Variants in PRDM16 observed in about 807,000 individuals in gnomAD.
The protein encoded by PRDM16 is histone-lysine N-methyltransferase PRDM16.
A neutral mutation model predicts 110.6 loss-of-function variants in PRDM16; 23 were observed. The ratio of observed to expected loss-of-function variants is 0.21; its 90% CI spans 0.15 to 0.29. The LOEUF is 0.29. PRDM16 is among the 10% of genes least tolerant of loss of function. The pLI is 1.00. For missense variants in PRDM16, 1,615 were observed against 1,794.3 expected (o/e 0.90, Z 1.81); for synonymous variants, 799 against 781.8 (o/e 1.02, Z -0.37).
intron 3 of PRDM16, among the ~76,000 whole-genome samples, chr1:3,383,947 C>A (rs1209385674): frequency 6.7e-6 from 1 of 150,128 alleles, no homozygotes; most frequent in Non-Finnish European, 1.5e-5. Context: ...ACTTGCCCAC[C>A]AGGACACACC....
chr1:3,284,534 G>A (rs1365129705), intron 3 of PRDM16, among the ~76,000 whole-genome samples: 1 of 152,212 alleles, frequency 6.6e-6, no homozygotes, highest in Admixed American at 6.5e-5. Flanking sequence ...CACTGTCGCC[G>A]TGAAGCCTTC....
rs1375105660 is a variant in PRDM16 at position 3,435,165 on chromosome 1, TA to T, written c.*1355del. On this transcript the variant is annotated 3_prime_UTR_variant, in exon 17 of 17. Transcript: ENST00000270722. ...TCGGATGGGCTTTAAATTATTCCCATAGGGGCCAATTTCAAATAATAATTTT... is the reference window on the plus strand; with the variant it reads ...TCGGATGGGCTTTAAATTATTCCCATGGGGCCAATTTCAAATAATAATTTT... The T allele has an allele frequency of 2.7e-5, 6 of 224,706 alleles. No homozygotes were observed. Among genetic ancestry groups the T allele is most frequent in the African/African-American group, 1.3e-4 (6 of 44,950 alleles). 13.9% of individuals were successfully genotyped at this position (224,706 alleles called of 1,614,324 possible). A position where few individuals can be genotyped will look rare whatever the true frequency, so the allele number is the denominator to read the frequency against.
chr1:3,325,896 TGGCCCTCTTGGCCCTCCTTGGCCCTCCTC>T (rs1159414266), intron 3 of PRDM16, among the ~76,000 whole-genome samples: 28 of 147,404 alleles, frequency 1.9e-4, no homozygotes, highest in Admixed American at 2.7e-4. Flanking sequence ...TGGCCATCCT[TGGCCCTCTTGGCCCTCCTTGGCCCTCCTC>T]GGCCCTCTTG....
intron 2 of PRDM16, among the ~76,000 whole-genome samples, chr1:3,225,576 G>A (rs1050921446): frequency 1.8e-4 from 27 of 148,910 alleles, no homozygotes; most frequent in Admixed American, 1.1e-3. Flanking sequence ...GTGTGTGTGC[G>A]CGCGCGCAGA....
intron 2 of PRDM16, among the ~76,000 whole-genome samples, chr1:3,188,814 T>C (rs1243423766): frequency 2.0e-5 from 3 of 152,094 alleles, no homozygotes; most frequent in Non-Finnish European, 4.4e-5. Context: ...CCACCTCCTC[T>C]GAGAAGGAGA....
At chr1:3,308,158 A>C (rs1056245319) in intron 3 of PRDM16, 5 of 152,230 alleles carry the variant, frequency 3.3e-5, no homozygotes, top group African/African-American at 1.2e-4. Flanking sequence ...GGCAGTGATG[A>C]AACCTCTCTC....
intron 3 of PRDM16, among the ~76,000 whole-genome samples, chr1:3,332,868 G>C (rs949996117): frequency 7.9e-5 from 12 of 152,138 alleles, no homozygotes; most frequent in African/African-American, 2.2e-4. Context: ...TCTATGATCT[G>C]TGTCCTTTGG....
At chr1:3,289,014 G>A (rs1052135499) in intron 3 of PRDM16, among the ~76,000 whole-genome samples, 1 of 152,228 alleles carries the variant, frequency 6.6e-6, no homozygotes, top group African/African-American at 2.4e-5. Flanking sequence ...CTAGGGGCAG[G>A]GGAACTTGGC....
chr1:3,392,552 A>G (rs941084482), intron 4 of PRDM16, among the ~76,000 whole-genome samples: 1 of 152,208 alleles, frequency 6.6e-6, no homozygotes, highest in African/African-American at 2.4e-5. Context: ...TCTATGATTA[A>G]GCGGGAATGA....
chr1:3,095,791 C>T (rs750105417), intron 1 of PRDM16, among the ~76,000 whole-genome samples: 6 of 152,040 alleles, frequency 3.9e-5, no homozygotes, highest in Admixed American at 1.3e-4. Context: ...TATGGGGGTC[C>T]ATCTGCCCCT....
intron 3 of PRDM16, among the ~76,000 whole-genome samples, chr1:3,270,064 G>A (rs1316914406): frequency 6.7e-6 from 1 of 149,168 alleles, no homozygotes; most frequent in Non-Finnish European, 1.5e-5. Flanking sequence ...GAGGATGACA[G>A]TCCCAGAGGA....
Position 3,245,449 on chromosome 1 carries a change from A to G in PRDM16, c.438+1312A>G, listed in dbSNP as rs1384029868. On this transcript the variant is annotated intron_variant, in intron 3 of 16. Transcript: ENST00000270722. The surrounding 1 kb of genome is among the most constrained non-coding windows in gnomAD (Gnocchi z 4.7). Reference sequence around the variant, plus strand: ...CCCCAGATACATTGATTTTGGAGAAAGCATGGCAATGGAGACTTTTGCTGG... The same window carrying G: ...CCCCAGATACATTGATTTTGGAGAAGGCATGGCAATGGAGACTTTTGCTGG... Among the ~76,000 whole-genome samples, 4 of 152,194 alleles carry G rather than the reference A, an allele frequency of 2.6e-5. No homozygotes were observed. The highest frequency in any genetic ancestry group is 5.9e-5 in the Non-Finnish European group (4 of 68,026).
At chr1:3,146,398 T>C (rs1178652890) in intron 1 of PRDM16, among the ~76,000 whole-genome samples, 3 of 152,256 alleles carry the variant, frequency 2.0e-5, no homozygotes, top group Non-Finnish European at 4.4e-5. Context: ...CTTAAAACCA[T>C]TGTGCTGCCT....
intron 3 of PRDM16, among the ~76,000 whole-genome samples, chr1:3,381,864 G>A (rs912037302): frequency 6.6e-6 from 1 of 152,224 alleles, no homozygotes; most frequent in Non-Finnish European, 1.5e-5. Context: ...GAGAAGCAGA[G>A]CAGGGGAGAC....
At chr1:3,416,374 G>A (rs931231579) in intron 10 of PRDM16, among the ~76,000 whole-genome samples, 2 of 152,162 alleles carry the variant, frequency 1.3e-5, no homozygotes, top group Non-Finnish European at 2.9e-5. Context: ...GTTTGCTAGT[G>A]GGCAGCCAGG....
intron 3 of PRDM16, among the ~76,000 whole-genome samples, chr1:3,352,244 A>G (rs1474403999): frequency 6.6e-6 from 1 of 151,992 alleles, no homozygotes; most frequent in Non-Finnish European, 1.5e-5. Context: ...CCCTCCACCC[A>G]GCCGTGCTGC....
At chr1:3,271,124 A>G (rs1057210761) in intron 3 of PRDM16, among the ~76,000 whole-genome samples, 6 of 152,006 alleles carry the variant, frequency 3.9e-5, no homozygotes, top group Admixed American at 3.9e-4. Context: ...AATGCTGGAG[A>G]TTTTCAAGGG....
intron 1 of PRDM16, among the ~76,000 whole-genome samples, chr1:3,093,807 T>G (rs1442757896): frequency 1.3e-5 from 2 of 152,080 alleles, no homozygotes; most frequent in African/African-American, 2.4e-5. Context: ...CAATGCCCAA[T>G]GTAGCCCAGC....
intron 2 of PRDM16, among the ~76,000 whole-genome samples, chr1:3,215,282 C>A (rs1385065252): frequency 6.7e-6 from 1 of 149,956 alleles, no homozygotes; most frequent in African/African-American, 2.5e-5. Flanking sequence ...TGTGGATGAT[C>A]CACAGGTGCC....
Sources: gnomAD v4.1 joint callset for allele counts (sites outside exome capture counted in the v4.1 genomes callset) on GRCh38, gnomAD v4.1.1 for gene constraint, Gnocchi (gnomAD v3.1) non-coding constraint, MANE v1.5 for transcripts, NCBI Gene and HGNC (gene_info 2026-07-23, HGNC 2026-07-21) for gene names.